COL19A1: variants seen among roughly 807,000 people sequenced by gnomAD.
COL19A1 encodes the protein collagen alpha-1(XIX) chain.
COL19A1 carries 159 observed loss-of-function variants against 190.2 expected under a neutral mutation model. That is an observed-to-expected ratio of 0.84 (90% CI 0.73 to 0.95). The LOEUF (loss-of-function observed/expected upper bound fraction) is 0.95, where lower values mean the gene tolerates loss of function less well. Among genes scored for constraint, COL19A1 ranks in the 40% least tolerant of loss-of-function variants. COL19A1 has a pLI of 0.00. For synonymous variants in COL19A1, 509 were observed against 458.9 expected, an observed-to-expected ratio of 1.11 and a Z score of -1.39; for missense variants, 1,418 against 1,431.9, an observed-to-expected ratio of 0.99 and a Z score of 0.16.
intron 36 of COL19A1, 72 bp downstream of exon 36, chr6:70,163,468 A>C (rs1210076000): frequency 1.4e-6 from 2 of 1,389,638 alleles, no homozygotes; most frequent in Non-Finnish European, 2.0e-6. Flanking sequence ...CTCTTCACAG[A>C]GAGAGCCATA....
At chr6:69,877,435 G>A (rs1477911952) in intron 1 of COL19A1, among the ~76,000 whole-genome samples, 1 of 152,090 alleles carries the variant, frequency 6.6e-6, no homozygotes, top group Non-Finnish European at 1.5e-5. Context: ...TGATGTCAAT[G>A]GCAGGCTCAG....
intron 41 of COL19A1, among the ~76,000 whole-genome samples, chr6:70,172,710 A>T (rs1765570442): frequency 6.6e-6 from 1 of 152,230 alleles, no homozygotes; most frequent in African/African-American, 2.4e-5. Flanking sequence ...TAAATAAAAG[A>T]TTGCTCTTTT....
At chr6:69,927,016 A>C (rs922337309) in intron 4 of COL19A1, among the ~76,000 whole-genome samples, 1 of 152,152 alleles carries the variant, frequency 6.6e-6, no homozygotes, top group East Asian at 1.9e-4. Context: ...TTCTATATCC[A>C]GCAAAACTAT....
At chr6:69,908,736 C>T (rs901507510) in intron 4 of COL19A1, among the ~76,000 whole-genome samples, 3 of 152,014 alleles carry the variant, frequency 2.0e-5, no homozygotes, top group African/African-American at 4.8e-5. Context: ...TGTGATTTTG[C>T]TCTTTCAGAT....
intron 4 of COL19A1, among the ~76,000 whole-genome samples, chr6:69,901,317 T>C (rs186886927): frequency 1.3e-5 from 2 of 152,244 alleles, no homozygotes; most frequent in African/African-American, 4.8e-5. Flanking sequence ...TGCTCAGACG[T>C]TCTGTGTAAA....
At chr6:70,181,296 T>C (rs1201374387) in intron 44 of COL19A1, among the ~76,000 whole-genome samples, 1 of 152,170 alleles carries the variant, frequency 6.6e-6, no homozygotes, top group Non-Finnish European at 1.5e-5. Context: ...GTGGCCACCA[T>C]TTCCTCAGAG....
At chr6:69,906,607 A>T (rs1311265876) in intron 4 of COL19A1, among the ~76,000 whole-genome samples, 1 of 152,166 alleles carries the variant, frequency 6.6e-6, no homozygotes, top group African/African-American at 2.4e-5. Flanking sequence ...ACACAGATTA[A>T]ATTTAATACG....
At chr6:70,036,974 A>G (rs1449859229) in intron 14 of COL19A1, among the ~76,000 whole-genome samples, 2 of 152,202 alleles carry the variant, frequency 1.3e-5, no homozygotes, top group Non-Finnish European at 1.5e-5. Context: ...ACATAAACAA[A>G]TGTTTTTTGA....
intron 11 of COL19A1, among the ~76,000 whole-genome samples, chr6:70,013,575 T>A (rs1778023489): frequency 2.2e-5 from 1 of 46,238 alleles, no homozygotes. Flanking sequence ...CAGAGAATAC[T>A]ACAAACACCT....
intron 15 of COL19A1, among the ~76,000 whole-genome samples, chr6:70,087,948 G>T (rs1782680583): frequency 6.6e-6 from 1 of 152,152 alleles, no homozygotes; most frequent in Non-Finnish European, 1.5e-5. Context: ...TCAAACTGAG[G>T]ATTTGGGGTA....
intron 14 of COL19A1, among the ~76,000 whole-genome samples, chr6:70,058,198 G>T (rs960925504): frequency 1.3e-5 from 2 of 151,958 alleles, no homozygotes; most frequent in African/African-American, 4.8e-5. Flanking sequence ...CATGGGAAAA[G>T]ATTATGATTA....
chr6:69,982,726 A>C (rs529801973), intron 11 of COL19A1, among the ~76,000 whole-genome samples: 63 of 150,958 alleles, frequency 4.2e-4, no homozygotes, highest in African/African-American at 1.4e-3. Context: ...TAATCCCAGC[A>C]CTTTGGGAGG....
chr6:70,166,698 A>T (rs1470471321), intron 37 of COL19A1, among the ~76,000 whole-genome samples: 1 of 152,242 alleles, frequency 6.6e-6, no homozygotes, highest in African/African-American at 2.4e-5. Context: ...TCCGAAGACA[A>T]TGAGGATTAT....
At chr6:70,080,345 G>A (rs1422071802) in intron 15 of COL19A1, among the ~76,000 whole-genome samples, 3 of 152,196 alleles carry the variant, frequency 2.0e-5, no homozygotes, top group African/African-American at 7.2e-5. Flanking sequence ...GAAAGGGGCA[G>A]GCCTTGGGAT....
chr6:70,078,326 G>A (rs914830452), intron 15 of COL19A1, among the ~76,000 whole-genome samples: 2 of 152,214 alleles, frequency 1.3e-5, no homozygotes, highest in African/African-American at 4.8e-5. Context: ...CAGAGCCTAA[G>A]ATGGGATTCT....
intron 4 of COL19A1, among the ~76,000 whole-genome samples, chr6:69,903,611 C>A (rs1267603828): frequency 1.3e-5 from 2 of 152,130 alleles, no homozygotes; most frequent in East Asian, 3.9e-4. Flanking sequence ...ATAAATGCAC[C>A]CATCCTGCTA....
intron 11 of COL19A1, among the ~76,000 whole-genome samples, chr6:70,010,483 G>A (rs1435912243): frequency 7.0e-6 from 1 of 142,920 alleles, no homozygotes; most frequent in Non-Finnish European, 1.5e-5. Flanking sequence ...CAGAGAGTTG[G>A]CGCAGGCCAG....
At chr6:70,024,565 C>T (rs1294401525) in intron 12 of COL19A1, among the ~76,000 whole-genome samples, 4 of 148,420 alleles carry the variant, frequency 2.7e-5, no homozygotes, top group East Asian at 2.0e-4. Flanking sequence ...CCAATCTTTC[C>T]GGCCTGTGGA....
intron 36 of COL19A1, among the ~76,000 whole-genome samples, chr6:70,165,481 T>A (rs1273063042): frequency 1.3e-5 from 2 of 152,178 alleles, no homozygotes; most frequent in Non-Finnish European, 2.9e-5. Context: ...AGGTTGTGAT[T>A]TTTTTACTTT....
Sources: gnomAD v4.1 joint callset for allele counts (sites outside exome capture counted in the v4.1 genomes callset) on GRCh38, gnomAD v4.1.1 for gene constraint, MANE v1.5 for transcripts, NCBI Gene and HGNC (gene_info 2026-07-23, HGNC 2026-07-21) for gene names.